RAB3GAP2: variants seen among roughly 807,000 people sequenced by gnomAD.
The protein encoded by RAB3GAP2 is rab3 GTPase-activating protein non-catalytic subunit.
RAB3GAP2 carries 87 observed loss-of-function variants against 185.3 expected under a neutral mutation model. That is an observed-to-expected ratio of 0.47 (90% CI 0.39 to 0.56). The LOEUF (loss-of-function observed/expected upper bound fraction) is 0.56. Among genes scored for constraint, RAB3GAP2 ranks in the 20% least tolerant of loss-of-function variants. RAB3GAP2 has a pLI of 0.00. For synonymous variants in RAB3GAP2, 554 were observed against 576.1 expected (o/e 0.96, Z 0.55); for missense variants, 1,492 against 1,638.2 (o/e 0.91, Z 1.54).
At chr1:220,168,241 C>G (rs1010205392) in intron 24 of RAB3GAP2, among the ~76,000 whole-genome samples, 2 of 151,816 alleles carry the variant, frequency 1.3e-5, no homozygotes, top group Admixed American at 6.6e-5. Context: ...TACAGGCGCC[C>G]ACCACACCCA....
chr1:220,235,533 A>G (rs866052826), intron 1 of RAB3GAP2, among the ~76,000 whole-genome samples: 30 of 152,238 alleles, frequency 2.0e-4, no homozygotes, highest in African/African-American at 7.0e-4. Context: ...ACTCTTCAGG[A>G]AGGCTGTAAT....
chr1:220,205,290 A>G (rs1467650362), intron 8 of RAB3GAP2, among the ~76,000 whole-genome samples: 1 of 152,154 alleles, frequency 6.6e-6, no homozygotes, highest in Non-Finnish European at 1.5e-5. Flanking sequence ...CCTAAGTCAC[A>G]AAATGTCATT....
rs774307849 is a variant in RAB3GAP2, at chr1:220,191,138, C to A, written c.1417G>T (p.Gly473Ter). Residue 473 changes from glycine to a stop codon, truncating the protein, a stop_gained, in exon 14 of 35, where the codon GGA becomes TGA. Transcript: ENST00000358951. LOFTEE classifies it high-confidence loss of function. ...QFLVIYAPRR[G>*]ILEVWSTQQG... ...TGTGTGCTCCACACTTCTAAAATTC[C>A]CCTTCTTGGCGCATAGATCACAAGG... is the stretch of plus-strand genomic sequence containing the variant. 1 of 1,613,978 alleles carries A rather than the reference C, an allele frequency of 6.2e-7. No homozygotes were observed. Among genetic ancestry groups the A allele is most frequent in the Admixed American group, 1.7e-5 (1 of 59,994 alleles).
rs776837900 is a variant in RAB3GAP2, at chr1:220,151,374, T to C, written c.4059A>G (p.Pro1353=). The C allele has an allele frequency of 1.2e-6, 2 of 1,614,192 alleles. No individual in the cohort carries two copies. The highest frequency in any genetic ancestry group is 2.2e-5 in the South Asian group (2 of 91,092). ...DPQDLQNTEV[P]IATTAKLVNK... is the part of the protein sequence containing the mutation. ...TTACTAGTTTAGCTGTTGTTGCAAT[T>C]GGCACTTCAGTGTTTTGAAGGTCCT... The change falls in exon 35 of 35, where the codon CCA becomes CCG. Residue 1353 remains proline, a synonymous_variant. Coordinates refer to ENST00000358951, the MANE Select transcript of RAB3GAP2 (RefSeq NM_012414.4).
intron 2 of RAB3GAP2, among the ~76,000 whole-genome samples, chr1:220,230,043 A>C (rs965939932): frequency 2.0e-5 from 3 of 152,168 alleles, no homozygotes; most frequent in African/African-American, 7.2e-5. Context: ...AATCATGAAG[A>C]ATCTCCAAGC....
rs544358723 is a variant in RAB3GAP2 at position 220,202,161 on chromosome 1, T to C, written c.811+115A>G. 4.2e-5 allele frequency: 49 copies of C among 1,158,484 alleles called. No homozygotes were observed. In the South Asian group the frequency reaches 8.0e-4, roughly 19 times the overall value. The allele number at this position is 1,158,484 out of a possible 1,614,324, so 71.8% of individuals were successfully genotyped here. A position where few individuals can be genotyped will look rare whatever the true frequency, so the allele number is the denominator to read the frequency against. The stretch of plus-strand genomic sequence containing the variant: ...GCCTGGGTGACAGAGCAAAGCTCCA[T>C]CTTAAAAAATAATAATAATAAATAA... On this transcript the variant is annotated intron_variant, in intron 9 of 34. Coordinates refer to ENST00000358951, the MANE Select transcript of RAB3GAP2 (RefSeq NM_012414.4).
Position 220,190,515 on chromosome 1 carries a change from A to C in RAB3GAP2, c.1493T>G (p.Leu498Arg), listed in dbSNP as rs1403279592. 1.9e-6 allele frequency: 3 copies of C among 1,596,302 alleles called. No individual in the cohort carries two copies. The highest frequency in any genetic ancestry group is 2.6e-6 in the Non-Finnish European group (3 of 1,163,812). ...ACCCATTATTTTATAGCCAGGATACAGCAGCCTAAAGAAATCACATACCAA... is the reference window on the plus strand; with the variant it reads ...ACCCATTATTTTATAGCCAGGATACCGCAGCCTAAAGAAATCACATACCAA... ...AFNVGKHCRL[L>R]YPGYKIMGLN... The change falls in exon 15 of 35, where the codon CTG becomes CGG. Residue 498 changes from leucine (L) to arginine (R), a missense_variant. Transcript: ENST00000358951.
chr1:220,254,088 C>T, intron 1 of RAB3GAP2: 1 of 1,613,838 alleles, frequency 6.2e-7, no homozygotes, highest in Non-Finnish European at 8.5e-7. Flanking sequence ...ATGACTGGGA[C>T]TTAATTACCA....
At chr1:220,269,552 T>C (rs996167794) in intron 1 of RAB3GAP2, among the ~76,000 whole-genome samples, 2 of 152,000 alleles carry the variant, frequency 1.3e-5, no homozygotes, top group African/African-American at 4.8e-5. Context: ...TGAAACCCCA[T>C]CTCTACTAAA....
chr1:220,249,834 G>C (rs185976425), intron 1 of RAB3GAP2, among the ~76,000 whole-genome samples: 3 of 152,184 alleles, frequency 2.0e-5, no homozygotes, highest in South Asian at 2.1e-4. Context: ...AGCCTTGGTG[G>C]CTTACATGTG....
chr1:220,215,726 T>A lies in RAB3GAP2; in HGVS notation c.181-1747A>T, dbSNP rs116059764. Among the ~76,000 whole-genome samples the A allele has an allele frequency of 3.4e-3, 514 of 152,282 alleles. 3 individuals carry two copies. Among genetic ancestry groups the A allele is most frequent in the African/African-American group, 0.012 (495 of 41,572 alleles). ...CATGTAGAAATTTTTTATTGTCATG[T>A]GGCTAAATTATCCATCTATTCTCTT... On this transcript the variant is annotated intron_variant, in intron 2 of 34. Transcript: ENST00000358951.
chr1:220,244,345 C>T (rs1383855601), intron 1 of RAB3GAP2, among the ~76,000 whole-genome samples: 1 of 152,108 alleles, frequency 6.6e-6, no homozygotes, highest in Non-Finnish European at 1.5e-5. Context: ...ATATACTTAA[C>T]CAAGAAGGCA....
chr1:220,191,361 T>C (rs1571891645), intron 13 of RAB3GAP2, 77 bp from the exon 14 acceptor site: 2 of 41,730 alleles, frequency 4.8e-5, no homozygotes, highest in Non-Finnish European at 9.7e-5. Flanking sequence ...TCTGGAATAG[T>C]GGGGGTGGGG....
chr1:220,219,978 GT>G (rs1659274272), intron 2 of RAB3GAP2, among the ~76,000 whole-genome samples: 1 of 152,152 alleles, frequency 6.6e-6, no homozygotes, highest in African/African-American at 2.4e-5. Flanking sequence ...ACTAATTAGC[GT>G]TTTGGAAAAC....
intron 8 of RAB3GAP2, among the ~76,000 whole-genome samples, chr1:220,202,670 T>A (rs1473951000): frequency 6.6e-6 from 1 of 152,052 alleles, no homozygotes; most frequent in Non-Finnish European, 1.5e-5. Flanking sequence ...AGGCCGGGCA[T>A]GGTGGCTCAT....
chr1:220,228,630 C>T (rs960215184), intron 2 of RAB3GAP2, among the ~76,000 whole-genome samples: 2 of 152,144 alleles, frequency 1.3e-5, no homozygotes, highest in South Asian at 2.1e-4. Flanking sequence ...AACTAGATAA[C>T]CTCTGAACTT....
intron 2 of RAB3GAP2, among the ~76,000 whole-genome samples, chr1:220,227,113 T>TA (rs1419545157): frequency 6.6e-6 from 1 of 152,226 alleles, no homozygotes; most frequent in African/African-American, 2.4e-5. Flanking sequence ...TAGCGTGTGG[T>TA]ACACTGTTAT....
chr1:220,215,359 A>G (rs1281088301), intron 2 of RAB3GAP2, among the ~76,000 whole-genome samples: 1 of 152,158 alleles, frequency 6.6e-6, no homozygotes, highest in Admixed American at 6.5e-5. Context: ...GCTTTTTCAC[A>G]GGCATTTCAA....
chr1:220,159,500 TAACCGAATTTAAA>T, intron 28 of RAB3GAP2, 79 bp from the exon 29 acceptor site: 1 of 1,093,138 alleles, frequency 9.1e-7, no homozygotes, highest in South Asian at 1.4e-5. Context: ...TAATAAAAAG[TAACCGAATTTAAA>T]AACCGTAAAT....
Sources: allele counts gnomAD v4.1 joint callset (sites outside exome capture counted in the v4.1 genomes callset), GRCh38; gene constraint gnomAD v4.1.1; transcripts MANE v1.5; gene names NCBI Gene and HGNC (gene_info 2026-07-23, HGNC 2026-07-21).